Variants in ZNF546 observed in about 807,000 individuals in gnomAD.
The protein encoded by ZNF546 is CTC-471F3.6.
ZNF546 carries 60 observed loss-of-function variants against 76.2 expected under a neutral mutation model. The observed-to-expected ratio is 0.79, with a 90% CI of 0.64 to 0.98. The LOEUF is 0.98. Among genes scored for constraint, ZNF546 ranks in the 50% least tolerant of loss-of-function variants. ZNF546 has a pLI of 0.00. For synonymous variants in ZNF546, 277 were observed against 328.1 expected (o/e 0.84, Z 1.68); for missense variants, 936 against 1,035.6 (o/e 0.90, Z 1.32).
chr19:40,014,408 ACTGGTGTCAAAC>A lies in ZNF546; in HGVS notation c.1140_1151del (p.Gly381_Pro384del). On this transcript the variant is annotated inframe_deletion, in exon 7 of 7. Coordinates refer to ENST00000347077, the MANE Select transcript of ZNF546 (RefSeq NM_178544.5). ...TATTAGTCAACATCAGAAAATTCAT[ACTGGTGTCAAAC>A]CCTATAAATGTAATGAATGTGGGAA... 6.2e-7 allele frequency: 1 copy of A among 1,613,078 alleles called. No homozygotes were observed. Among genetic ancestry groups the A allele is most frequent in the Non-Finnish European group, 8.5e-7 (1 of 1,179,770 alleles).
In ZNF546 at chr19:40,015,249, C is replaced by A. The variant is rs1308617957; in HGVS notation, c.1979C>A (p.Thr660Asn). 4 of 1,614,034 alleles carry A rather than the reference C, an allele frequency of 2.5e-6. No homozygotes were observed. Residue 660 changes from threonine (T) to asparagine (N), a missense_variant, in exon 7 of 7, where the codon ACT becomes AAT. By Grantham distance (65) the Thr-to-Asn change is moderately conservative. Transcript: ENST00000347077. ...THLTQHHRIH[T>N]GEKPYECTEC... ...CTCACGCAACATCACAGAATTCATA[C>A]TGGTGAGAAACCCTACGAATGTACG...
chr19:40,004,701 GTTCT>G (rs1411149510), intron 3 of ZNF546, among the ~76,000 whole-genome samples: 1 of 151,666 alleles, frequency 6.6e-6, no homozygotes, highest in Non-Finnish European at 1.5e-5. Context: ...CCTGTCCTTC[GTTCT>G]TTCTTTATGT....
chr19:39,999,356 C>T (rs1264707023), intron 3 of ZNF546, among the ~76,000 whole-genome samples: 2 of 152,104 alleles, frequency 1.3e-5, no homozygotes, highest in African/African-American at 4.8e-5. Flanking sequence ...ATGCTGTTTT[C>T]CTATTGTTTG....
chr19:40,008,612 C>T, intron 6 of ZNF546, 47 bp downstream of exon 6: 1 of 1,480,812 alleles, frequency 6.8e-7, no homozygotes, highest in Non-Finnish European at 9.4e-7. Flanking sequence ...CAAGTTATGA[C>T]CCATGATGTC....
In ZNF546 at chr19:40,014,700, C is replaced by G. The variant is rs1971730420; in HGVS notation, c.1430C>G (p.Ala477Gly). Residue 477 changes from alanine (A) to glycine (G), a missense_variant, in exon 7 of 7, where the codon GCC (alanine) becomes GGC (glycine). Ala to Gly is a moderately conservative substitution (Grantham distance 60, BLOSUM62 0). Transcript: ENST00000347077. The part of the protein sequence containing the change: ...KPYECKECGK[A>G]FICGYQLTLH... ...TATGAATGTAAGGAATGTGGGAAGG[C>G]CTTTATTTGTGGTTATCAACTTACT... is the stretch of plus-strand genomic sequence containing the variant. 4 of 1,613,840 alleles carry G rather than the reference C, an allele frequency of 2.5e-6. No individual in the cohort carries two copies. The African/African-American group carries it at 5.3e-5, about 22-fold the overall frequency.
At chr19:40,013,514 CCTGCTCTAAA>C (rs1971697593) in intron 6 of ZNF546, 141 bp from the exon 7 acceptor site, 1 of 718,910 alleles carries the variant, frequency 1.4e-6, no homozygotes, top group African/African-American at 1.8e-5. Flanking sequence ...TTTGTTGAAT[CCTGCTCTAAA>C]CCATTTATTT....
intron 4 of ZNF546, among the ~76,000 whole-genome samples, chr19:40,006,946 A>C (rs968816873): frequency 6.6e-6 from 1 of 152,226 alleles, no homozygotes; most frequent in Non-Finnish European, 1.5e-5. Context: ...GAGATTTTAG[A>C]GTACTTTTTG....
At chr19:40,008,189 GCTC>G (rs1971628859) in intron 5 of ZNF546, among the ~76,000 whole-genome samples, 1 of 152,198 alleles carries the variant, frequency 6.6e-6, no homozygotes, top group African/African-American at 2.4e-5. Context: ...AGGCCATAGG[GCTC>G]CAGAGGGTGT....
chr19:40,006,917 C>T (rs1017255876), intron 4 of ZNF546, among the ~76,000 whole-genome samples: 1 of 152,128 alleles, frequency 6.6e-6, no homozygotes, highest in African/African-American at 2.4e-5. Context: ...TAATGTCAGT[C>T]AAATCCTGTT....
rs1971835031 is a variant in ZNF546, at chr19:40,020,096, T to C, written c.*4315T>C. 6.6e-6 allele frequency: 1 copy of C among 152,192 alleles called. No homozygotes were observed. The highest frequency in any genetic ancestry group is 2.4e-5 in the African/African-American group (1 of 41,454). 9.4% of individuals were successfully genotyped at this position (152,192 alleles called of 1,614,324 possible). A position where few individuals can be genotyped will look rare whatever the true frequency, so the allele number is the denominator to read the frequency against. The stretch of plus-strand genomic sequence containing the variant: ...ATACAAAAGCATCTGCACCAAAATA[T>C]ATAGATTTAATGGCATGTAGGGGTT... On this transcript the variant is annotated 3_prime_UTR_variant, in exon 7 of 7. Coordinates refer to ENST00000347077, the MANE Select transcript of ZNF546 (RefSeq NM_178544.5).
chr19:40,014,767 TA>T lies in ZNF546; in HGVS notation c.1499del (p.Lys500ArgfsTer270). 6.2e-7 allele frequency: 1 copy of T among 1,613,872 alleles called. No homozygotes were observed. The highest frequency in any genetic ancestry group is 1.7e-5 in the Admixed American group (1 of 60,022). ...THTGEIPYEC[K>X]ECGKTFSSRY... Reference sequence around the variant, plus strand: ...ACACCGGTGAGATTCCCTATGAATGTAAGGAATGTGGAAAAACCTTCAGTAG... The same window carrying T: ...ACACCGGTGAGATTCCCTATGAATGTAGGAATGTGGAAAAACCTTCAGTAG... On this transcript the variant is annotated frameshift_variant, in exon 7 of 7. Coordinates refer to ENST00000347077, the MANE Select transcript of ZNF546 (RefSeq NM_178544.5). LOFTEE classifies it high-confidence loss of function.
intron 3 of ZNF546, among the ~76,000 whole-genome samples, chr19:40,004,127 A>AATAT (rs201726541): frequency 3.5e-5 from 5 of 144,228 alleles, no homozygotes; most frequent in African/African-American, 1.3e-4. Flanking sequence ...TAACTATATT[A>AATAT]ATATATATAT....
chr19:40,001,523 G>A (rs1417601304), intron 3 of ZNF546, among the ~76,000 whole-genome samples: 3 of 151,880 alleles, frequency 2.0e-5, no homozygotes, highest in Non-Finnish European at 4.4e-5. Context: ...TACCACACCT[G>A]GCTAATTTTT....
rs1971712106 is a variant in ZNF546 at position 40,014,120 on chromosome 19, C to T, written c.850C>T (p.Leu284Phe). 6.2e-7 allele frequency: 1 copy of T among 1,613,592 alleles called. No homozygotes were observed. Among genetic ancestry groups the T allele is most frequent in the Admixed American group, 1.7e-5 (1 of 59,988 alleles). Residue 284 changes from leucine to phenylalanine, a missense_variant, in exon 7 of 7, where the codon CTT (leucine) becomes TTT (phenylalanine). By Grantham distance (22) the Leu-to-Phe change is conservative. Coordinates refer to ENST00000347077, the MANE Select transcript of ZNF546 (RefSeq NM_178544.5). The part of the protein sequence containing the change: ...ECKECGKAFR[L>F]HYHLTEHQRI... ...TAAAGAATGTGGGAAGGCCTTTAGA[C>T]TTCATTATCACCTTACTGAACATCA...
intron 3 of ZNF546, among the ~76,000 whole-genome samples, chr19:40,005,807 T>G (rs889259014): frequency 6.6e-6 from 1 of 152,158 alleles, no homozygotes; most frequent in Non-Finnish European, 1.5e-5. Flanking sequence ...CCTCATTACC[T>G]CATCTGTTGG....
Position 39,998,423 on chromosome 19 carries a change from A to G in ZNF546, c.84+13A>G, listed in dbSNP as rs777738641. On this transcript the variant is annotated intron_variant, in intron 3 of 6. Transcript: ENST00000347077. ...ACTTTCTATAATGGTAGAGAAATGC[A>G]TATCCTGGAGTCTAAAGTTAAAACT... 15 of 1,603,284 alleles carry G rather than the reference A, an allele frequency of 9.4e-6. No homozygotes were observed. In the South Asian group the frequency reaches 1.5e-4, roughly 16 times the overall value.
Position 40,014,795 on chromosome 19 carries a change from C to T in ZNF546, c.1525C>T (p.Arg509Cys), listed in dbSNP as rs552529630. The change falls in exon 7 of 7, where the codon CGC becomes TGC. Residue 509 changes from arginine to cysteine, a missense_variant. Coordinates refer to ENST00000347077, the MANE Select transcript of ZNF546 (RefSeq NM_178544.5). ...CKECGKTFSSRYHLTQHYRIH... is the reference protein window; with the variant it reads ...CKECGKTFSSCYHLTQHYRIH... The stretch of plus-strand genomic sequence containing the variant: ...GGAATGTGGAAAAACCTTCAGTAGT[C>T]GCTATCATCTCACTCAACACTACAG... 237 of 1,613,674 alleles carry T rather than the reference C, an allele frequency of 1.5e-4. No individual in the cohort carries two copies. The South Asian group carries it at 2.2e-3, about 15-fold the overall frequency.
intron 3 of ZNF546, among the ~76,000 whole-genome samples, chr19:40,001,186 T>A (rs2144636665): frequency 1.3e-5 from 2 of 152,214 alleles, no homozygotes; most frequent in South Asian, 4.2e-4. Flanking sequence ...AGATGAAGCT[T>A]CCCTTGCTGG....
At position 40,014,575 on chromosome 19, in the gene ZNF546, T is replaced by C. The variant is rs768695837; in HGVS notation, c.1305T>C (p.His435=). 5.0e-6 allele frequency: 8 copies of C among 1,614,000 alleles called. No homozygotes were observed. In the Admixed American group the frequency reaches 1.0e-4, roughly 20 times the overall value. Residue 435 remains histidine, a synonymous_variant, in exon 7 of 7, where the codon CAT becomes CAC. Transcript: ENST00000347077. ...HAELARHRRI[H]TGEKPYECRE... is the part of the protein sequence containing the mutation. ...AACTTGCTCGACATCGTAGAATTCA[T>C]ACTGGTGAGAAACCCTATGAATGTA...
Sources: allele counts gnomAD v4.1 joint callset (sites outside exome capture counted in the v4.1 genomes callset), GRCh38; gene constraint gnomAD v4.1.1; transcripts MANE v1.5; gene names NCBI Gene and HGNC (gene_info 2026-07-23, HGNC 2026-07-21).